Variants in SMYD3 observed in about 807,000 individuals in gnomAD.
SMYD3 encodes the protein histone-lysine N-methyltransferase SMYD3.
A neutral mutation model predicts 57.7 loss-of-function variants in SMYD3; 36 were observed. The observed-to-expected ratio is 0.62, with a 90% CI of 0.48 to 0.82. The LOEUF is 0.82. Ranked by LOEUF, SMYD3 falls within the 40% of genes least tolerant of loss-of-function variation. The pLI is 0.00. For missense variants in SMYD3, 515 were observed against 538.8 expected, an observed-to-expected ratio of 0.96 and a Z score of 0.44; for synonymous variants, 211 against 195.0, an observed-to-expected ratio of 1.08 and a Z score of -0.68.
intron 8 of SMYD3, among the ~76,000 whole-genome samples, chr1:245,868,209 A>C (rs1558439634): frequency 6.6e-6 from 1 of 152,188 alleles, no homozygotes; most frequent in African/African-American, 2.4e-5. Flanking sequence ...GATAATCCTG[A>C]AGCTTACATA....
chr1:246,085,747 A>T (rs1253379877), intron 5 of SMYD3, among the ~76,000 whole-genome samples: 1 of 152,058 alleles, frequency 6.6e-6, no homozygotes, highest in Non-Finnish European at 1.5e-5. Flanking sequence ...TGTCACATAA[A>T]ACTTGAATAA....
At chr1:246,003,052 G>A (rs139591886) in intron 5 of SMYD3, among the ~76,000 whole-genome samples, 1 of 152,372 alleles carries the variant, frequency 6.6e-6, no homozygotes, top group Non-Finnish European at 1.5e-5. Flanking sequence ...GGATAAGGCA[G>A]AGAAGAGAAA....
intron 5 of SMYD3, among the ~76,000 whole-genome samples, chr1:246,278,028 A>T (rs891521362): frequency 3.9e-5 from 6 of 152,222 alleles, no homozygotes; most frequent in African/African-American, 1.4e-4. Flanking sequence ...AAAAGGTACA[A>T]AGAAAACAGA....
In SMYD3 at chr1:246,494,568, G is replaced by A. The variant is rs562581045; in HGVS notation, c.164+12486C>T. ...TGCTTAAGTTTTCACCACTAAAACT[G>A]AGCATCCAATATTAGAGTCAAAAAC... On this transcript the variant is annotated intron_variant, in intron 1 of 11. Transcript: ENST00000490107. Among the ~76,000 whole-genome samples the A allele has an allele frequency of 6.6e-5, 10 of 152,300 alleles. No homozygotes were observed. The South Asian group carries it at 1.0e-3, about 16-fold the overall frequency.
chr1:246,343,915 T>G (rs2065669854), intron 2 of SMYD3, among the ~76,000 whole-genome samples: 1 of 152,240 alleles, frequency 6.6e-6, no homozygotes, highest in African/African-American at 2.4e-5. Context: ...GTGACCAATA[T>G]GTTTCAAACT....
rs1039752927 is a variant in SMYD3, at chr1:246,220,235, C to T, written c.531+106966G>A. The stretch of plus-strand genomic sequence containing the variant: ...GGCCATTCCAGACGACCCACTGCTA[C>T]CATCACACCAGCTGCAGTGAGGAGG... On this transcript the variant is annotated intron_variant, in intron 5 of 11. Coordinates refer to ENST00000490107, the MANE Select transcript of SMYD3 (RefSeq NM_001167740.2). Among the ~76,000 whole-genome samples the T allele has an allele frequency of 5.3e-5, 8 of 152,174 alleles. No individual in the cohort carries two copies. The East Asian group carries it at 1.5e-3, about 29-fold the overall frequency.
At chr1:246,483,954 C>T (rs1176286180) in intron 1 of SMYD3, among the ~76,000 whole-genome samples, 1 of 151,658 alleles carries the variant, frequency 6.6e-6, no homozygotes, top group African/African-American at 2.4e-5. Flanking sequence ...ATCACTTCAA[C>T]CAAAATACCT....
chr1:246,133,413 A>G (rs889478330), intron 5 of SMYD3, among the ~76,000 whole-genome samples: 1 of 152,132 alleles, frequency 6.6e-6, no homozygotes, highest in Non-Finnish European at 1.5e-5. Context: ...ACTTTACTCA[A>G]TGAAAAACCT....
intron 5 of SMYD3, among the ~76,000 whole-genome samples, chr1:245,934,202 A>C (rs140759052): frequency 0.016 from 2,420 of 152,324 alleles, 65 homozygotes; most frequent in African/African-American, 0.055. Flanking sequence ...TGAGTTTTCA[A>C]AACGGAGTTT....
intron 8 of SMYD3, among the ~76,000 whole-genome samples, chr1:245,914,233 A>T (rs963496250): frequency 2.0e-5 from 3 of 152,234 alleles, no homozygotes; most frequent in African/African-American, 7.2e-5. Context: ...AAAACTAAAA[A>T]TAGAACTACC....
intron 7 of SMYD3, among the ~76,000 whole-genome samples, chr1:245,927,005 C>T (rs1481135380): frequency 3.3e-5 from 5 of 152,246 alleles, no homozygotes; most frequent in African/African-American, 9.6e-5. Context: ...TGGGGAGAAT[C>T]TTGTCAAAGC....
At chr1:246,397,144 G>T (rs528575566) in intron 1 of SMYD3, among the ~76,000 whole-genome samples, 1 of 152,148 alleles carries the variant, frequency 6.6e-6, no homozygotes, top group Non-Finnish European at 1.5e-5. Flanking sequence ...GGTGAGTAGC[G>T]GGCAAGCAGG....
chr1:246,273,142 T>TTTTTTC (rs2064255497), intron 5 of SMYD3, among the ~76,000 whole-genome samples: 1 of 128,640 alleles, frequency 7.8e-6, no homozygotes, highest in African/African-American at 3.5e-5. Context: ...TTTCTTTTTT[T>TTTTTTC]TTTTTTTTTT....
chr1:246,305,535 A>C (rs934287613), intron 5 of SMYD3, among the ~76,000 whole-genome samples: 2 of 152,232 alleles, frequency 1.3e-5, no homozygotes, highest in African/African-American at 4.8e-5. Context: ...CTTAAAAATG[A>C]ATATTAAAGA....
chr1:245,940,031 G>A (rs1250772382), intron 5 of SMYD3, among the ~76,000 whole-genome samples: 1 of 152,170 alleles, frequency 6.6e-6, no homozygotes, highest in African/African-American at 2.4e-5. Context: ...GCAAATCATG[G>A]CCAGACTGTT....
intron 5 of SMYD3, among the ~76,000 whole-genome samples, chr1:246,275,371 T>C (rs10924663): frequency 0.32 from 46,582 of 144,870 alleles, 8,507 homozygotes; most frequent in East Asian, 0.71. Flanking sequence ...CTCTGTTTTT[T>C]ACTAGCTGTA....
Position 246,439,258 on chromosome 1 carries a change from A to T in SMYD3, c.164+67796T>A, listed in dbSNP as rs530869631. On this transcript the variant is annotated intron_variant, in intron 1 of 11. Transcript: ENST00000490107. Reference sequence around the variant, plus strand: ...ACTACAGGCAAACACCACCACACCCAGTCCAAATATTTTGAATCCAAGCCT... The same window carrying T: ...ACTACAGGCAAACACCACCACACCCTGTCCAAATATTTTGAATCCAAGCCT... 1.4e-4 allele frequency among the ~76,000 whole-genome samples: 21 copies of T among 152,254 alleles called. No individual in the cohort carries two copies. In the East Asian group the frequency reaches 3.7e-3, roughly 27 times the overall value.
chr1:246,372,705 T>G (rs1199292574), intron 1 of SMYD3, among the ~76,000 whole-genome samples: 2 of 152,236 alleles, frequency 1.3e-5, no homozygotes, highest in Non-Finnish European at 2.9e-5. Flanking sequence ...ACCCCATCTC[T>G]ACTGGCCAGC....
At chr1:245,842,366 T>G (rs1046698061) in intron 10 of SMYD3, among the ~76,000 whole-genome samples, 1 of 152,218 alleles carries the variant, frequency 6.6e-6, no homozygotes, top group African/African-American at 2.4e-5. Flanking sequence ...CTTTCCATAA[T>G]TGATTTTCGG....
Sources: allele counts gnomAD v4.1 joint callset (sites outside exome capture counted in the v4.1 genomes callset), GRCh38; gene constraint gnomAD v4.1.1; transcripts MANE v1.5; gene names NCBI Gene and HGNC (gene_info 2026-07-23, HGNC 2026-07-21).